ERCC6L2: variants seen among roughly 807,000 people sequenced by gnomAD.
ERCC6L2 encodes DNA excision repair protein ERCC-6-like 2.
In ERCC6L2, 77 loss-of-function variants were observed where a neutral mutation model predicts 132.0. The ratio of observed to expected loss-of-function variants is 0.58; its 90% CI spans 0.49 to 0.71. The LOEUF (loss-of-function observed/expected upper bound fraction) is 0.71. Among genes scored for constraint, ERCC6L2 ranks in the 30% least tolerant of loss-of-function variants. The pLI is 0.00. For synonymous variants in ERCC6L2, 583 were observed against 632.4 expected (o/e 0.92, Z 1.17); for missense variants, 1,542 against 1,837.6 (o/e 0.84, Z 2.94).
At chr9:95,980,762 A>G (rs1251305408) in intron 17 of ERCC6L2, among the ~76,000 whole-genome samples, 1 of 152,154 alleles carries the variant, frequency 6.6e-6, no homozygotes, top group Non-Finnish European at 1.5e-5. Flanking sequence ...AGAAAAGAGA[A>G]TAAACAAAGA....
intron 17 of ERCC6L2, among the ~76,000 whole-genome samples, chr9:96,002,188 G>A (rs529124139): frequency 6.6e-6 from 1 of 152,334 alleles, no homozygotes; most frequent in Admixed American, 6.5e-5. Context: ...GGGGACTGAA[G>A]GGCTCCTCAA....
chr9:96,022,552 G>A (rs925797880), downstream of ERCC6L2, among the ~76,000 whole-genome samples: 2 of 152,174 alleles, frequency 1.3e-5, no homozygotes, highest in African/African-American at 4.8e-5. Context: ...GCCCCACGCC[G>A]AGTTTATTCA....
intron 17 of ERCC6L2, among the ~76,000 whole-genome samples, chr9:95,989,894 G>A (rs1833231839): frequency 6.6e-6 from 1 of 152,236 alleles, no homozygotes; most frequent in Non-Finnish European, 1.5e-5. Context: ...TTTGAGTACA[G>A]GTAGGACAGT....
At chr9:95,913,581 A>G (rs1829445058) in intron 4 of ERCC6L2, among the ~76,000 whole-genome samples, 1 of 152,168 alleles carries the variant, frequency 6.6e-6, no homozygotes, top group Non-Finnish European at 1.5e-5. Flanking sequence ...TTTTTAGTGA[A>G]TTTTAAAAGT....
intron 19 of ERCC6L2, among the ~76,000 whole-genome samples, chr9:96,026,602 AAC>A (rs1834368165): frequency 6.6e-6 from 1 of 150,664 alleles, no homozygotes; most frequent in Admixed American, 6.6e-5. Context: ...CACACACACA[AAC>A]ACACTACACA....
intron 9 of ERCC6L2, among the ~76,000 whole-genome samples, chr9:95,924,732 C>T (rs768292393): frequency 6.6e-6 from 1 of 151,546 alleles, no homozygotes; most frequent in Non-Finnish European, 1.5e-5. Context: ...AGTTAATCTC[C>T]CTAGGAATAA....
At chr9:95,946,778 A>T (rs1389597861) in intron 12 of ERCC6L2, among the ~76,000 whole-genome samples, 1 of 152,138 alleles carries the variant, frequency 6.6e-6, no homozygotes, top group Non-Finnish European at 1.5e-5. Flanking sequence ...TCTCTGTGAG[A>T]ATGTAGTTCT....
At chr9:95,929,392 A>G (rs1195065155) in intron 11 of ERCC6L2, among the ~76,000 whole-genome samples, 3 of 152,178 alleles carry the variant, frequency 2.0e-5, no homozygotes, top group Non-Finnish European at 4.4e-5. Context: ...GAATATACAC[A>G]CTTCTGAAAA....
chr9:95,948,326 A>C (rs1434816716), intron 12 of ERCC6L2, among the ~76,000 whole-genome samples: 1 of 152,222 alleles, frequency 6.6e-6, no homozygotes, highest in Non-Finnish European at 1.5e-5. Context: ...ACAAAGCCTG[A>C]TGATGTGACT....
intron 6 of ERCC6L2, among the ~76,000 whole-genome samples, chr9:95,920,811 C>G (rs1297156666): frequency 6.6e-6 from 1 of 152,100 alleles, no homozygotes; most frequent in Non-Finnish European, 1.5e-5. Flanking sequence ...GAGTCTCGCT[C>G]TGTCGCCCAG....
intron 11 of ERCC6L2, 25 bp from the exon 12 acceptor site, chr9:95,941,429 C>CTT (rs10712273): frequency 4.1e-5 from 49 of 1,187,284 alleles, no homozygotes; most frequent in South Asian, 7.7e-5. Context: ...TTCTAATGTG[C>CTT]TTTTTTTTTT....
chr9:95,902,492 A>G (rs1828829919), intron 3 of ERCC6L2, among the ~76,000 whole-genome samples: 1 of 152,248 alleles, frequency 6.6e-6, no homozygotes, highest in South Asian at 2.1e-4. Context: ...TTAGTTCTTC[A>G]TATGTACCAA....
chr9:95,912,399 GTA>G (rs1422236678), intron 4 of ERCC6L2, among the ~76,000 whole-genome samples: 1 of 152,072 alleles, frequency 6.6e-6, no homozygotes, highest in Non-Finnish European at 1.5e-5. Flanking sequence ...GTGTATGTAT[GTA>G]TATACATTCA....
At chr9:95,928,942 G>A in intron 11 of ERCC6L2, 78 bp downstream of exon 11, 2 of 1,131,368 alleles carry the variant, frequency 1.8e-6, no homozygotes, top group Middle Eastern at 5.9e-4. Flanking sequence ...AACTATTACT[G>A]GATTAATTTT....
intron 2 of ERCC6L2, among the ~76,000 whole-genome samples, chr9:95,886,355 AT>A (rs899231007): frequency 4.0e-5 from 6 of 149,854 alleles, no homozygotes; most frequent in African/African-American, 1.5e-4. Context: ...TGATCATTTC[AT>A]TTAAAAAAAA....
At chr9:95,911,889 T>C (rs1180170357) in intron 4 of ERCC6L2, among the ~76,000 whole-genome samples, 1 of 152,250 alleles carries the variant, frequency 6.6e-6, no homozygotes, top group African/African-American at 2.4e-5. Flanking sequence ...CTGATCTTCA[T>C]AGTCTTTACT....
chr9:95,978,075 G>T lies in ERCC6L2; in HGVS notation c.3352G>T (p.Val1118Leu), dbSNP rs764962652. The T allele has an allele frequency of 9.5e-6, 13 of 1,365,510 alleles. No individual in the cohort carries two copies. Among genetic ancestry groups the T allele is most frequent in the Admixed American group, 1.9e-5 (1 of 52,138 alleles). 84.6% of individuals were successfully genotyped at this position (1,365,510 alleles called of 1,614,324 possible). Residue 1118 changes from valine (V) to leucine (L), a missense_variant, in exon 17 of 19, where the codon GTG becomes TTG. Physicochemically the swap from Val to Leu is conservative, Grantham distance 32. Transcript: ENST00000653738. ...TTACCTCCTAGATGGCGTTCAGGAA[G>T]TGGCTTATATTCACTCAAACCAGAA... is the stretch of plus-strand genomic sequence containing the variant. ...MDKFLDGVQE[V>L]AYIHSNQNVI...
At chr9:95,878,412 A>G (rs560352149) in intron 1 of ERCC6L2, among the ~76,000 whole-genome samples, 23 of 152,216 alleles carry the variant, frequency 1.5e-4, no homozygotes, top group Non-Finnish European at 3.1e-4. Context: ...GTAAGGAGTA[A>G]TATTAAATGA....
intron 2 of ERCC6L2, among the ~76,000 whole-genome samples, chr9:95,894,754 C>G (rs1352347248): frequency 6.6e-6 from 1 of 151,924 alleles, no homozygotes. Flanking sequence ...GCCACCATGC[C>G]CAGCTAATTT....
Sources: allele counts gnomAD v4.1 joint callset (sites outside exome capture counted in the v4.1 genomes callset), GRCh38; gene constraint gnomAD v4.1.1; transcripts MANE v1.5; gene names NCBI Gene and HGNC (gene_info 2026-07-23, HGNC 2026-07-21).